The following KCNH7 variants were observed in gnomAD, a reference collection of about 807,000 sequenced individuals.
The protein encoded by KCNH7 is potassium voltage-gated channel subfamily H member 7, also known as voltage-gated inwardly rectifying potassium channel KCNH7.
A neutral mutation model predicts 120.8 loss-of-function variants in KCNH7; 49 were observed. The ratio of observed to expected loss-of-function variants is 0.41; its 90% CI spans 0.32 to 0.51. The LOEUF is 0.51. Among genes scored for constraint, KCNH7 ranks in the 20% least tolerant of loss-of-function variants. The probability of loss-of-function intolerance (pLI) is 0.38; values close to 1 mark genes in which losing one functional copy is unlikely to be tolerated. For missense variants in KCNH7, 1,097 were observed against 1,446.6 expected (o/e 0.76, Z 3.92); for synonymous variants, 547 against 516.1 (o/e 1.06, Z -0.81).
chr2:162,512,065 T>C (rs1691098070), intron 5 of KCNH7, among the ~76,000 whole-genome samples: 2 of 151,760 alleles, frequency 1.3e-5, no homozygotes, highest in Non-Finnish European at 2.9e-5. Context: ...TATAACCCTA[T>C]GGTAGTTGTA....
intron 6 of KCNH7, among the ~76,000 whole-genome samples, chr2:162,481,242 C>A (rs1405805925): frequency 3.3e-5 from 5 of 152,142 alleles, no homozygotes; most frequent in African/African-American, 1.2e-4. Flanking sequence ...TCAGATTAGG[C>A]ATTCCATATA....
chr2:162,582,233 T>A lies in KCNH7; in HGVS notation c.308-45153A>T, dbSNP rs16846959. On this transcript the variant is annotated intron_variant, in intron 2 of 15. Coordinates refer to ENST00000332142, the MANE Select transcript of KCNH7 (RefSeq NM_033272.4). The stretch of plus-strand genomic sequence containing the variant: ...GTTTTGGGTGATGTTAAGCTGAGAT[T>A]TGCTGCCCAAAAACATTAATCACAA... Among the ~76,000 whole-genome samples, 787 of 152,204 alleles carry A rather than the reference T, an allele frequency of 5.2e-3. 10 individuals are homozygous for A. Among genetic ancestry groups the A allele is most frequent in the African/African-American group, 0.018 (749 of 41,544 alleles).
chr2:162,518,810 G>GT (rs781395597), intron 3 of KCNH7, among the ~76,000 whole-genome samples: 12,542 of 119,236 alleles, frequency 0.11, 569 homozygotes, highest in East Asian at 0.16. Flanking sequence ...CCTGTTTTCT[G>GT]TTTTTTTTTT....
intron 2 of KCNH7, among the ~76,000 whole-genome samples, chr2:162,714,185 C>A (rs1351677672): frequency 6.6e-6 from 1 of 152,194 alleles, no homozygotes; most frequent in Non-Finnish European, 1.5e-5. Flanking sequence ...AGCCAATAGA[C>A]TCCAGCCTGG....
chr2:162,811,645 G>T (rs1684736544), intron 2 of KCNH7, among the ~76,000 whole-genome samples: 1 of 152,124 alleles, frequency 6.6e-6, no homozygotes, highest in Non-Finnish European at 1.5e-5. Context: ...TTATAAACTA[G>T]ATAGAAAAGA....
At chr2:162,633,493 G>A (rs1243058045) in intron 2 of KCNH7, among the ~76,000 whole-genome samples, 1 of 150,180 alleles carries the variant, frequency 6.7e-6, no homozygotes, top group Non-Finnish European at 1.5e-5. Context: ...ACTGTTAGTT[G>A]TTATCTATGT....
intron 2 of KCNH7, among the ~76,000 whole-genome samples, chr2:162,794,136 G>T (rs1684052575): frequency 6.6e-6 from 1 of 151,422 alleles, no homozygotes; most frequent in South Asian, 2.1e-4. Context: ...AAATTTGCAA[G>T]AATATTTTCA....
At chr2:162,491,827 C>T (rs957486471) in intron 6 of KCNH7, among the ~76,000 whole-genome samples, 2 of 152,172 alleles carry the variant, frequency 1.3e-5, no homozygotes, top group African/African-American at 2.4e-5. Context: ...AGCCATTCAT[C>T]TTCAGTCTGT....
intron 2 of KCNH7, among the ~76,000 whole-genome samples, chr2:162,585,085 G>A (rs1208789837): frequency 6.6e-6 from 1 of 151,878 alleles, no homozygotes; most frequent in Non-Finnish European, 1.5e-5. Context: ...TCCTGCAGCC[G>A]GCCTGGGTTC....
chr2:162,749,704 G>C (rs1220787063), intron 2 of KCNH7, among the ~76,000 whole-genome samples: 1 of 152,104 alleles, frequency 6.6e-6, no homozygotes, highest in Non-Finnish European at 1.5e-5. Flanking sequence ...TTGAATTATA[G>C]TTGGGCAGGA....
At chr2:162,749,053 AAG>A (rs930877597) in intron 2 of KCNH7, among the ~76,000 whole-genome samples, 3 of 146,040 alleles carry the variant, frequency 2.1e-5, no homozygotes, top group Non-Finnish European at 4.5e-5. Context: ...AATTTTTCTG[AAG>A]AGTTTTCAGA....
At chr2:162,812,806 A>T (rs929299603) in intron 2 of KCNH7, among the ~76,000 whole-genome samples, 1 of 152,112 alleles carries the variant, frequency 6.6e-6, no homozygotes, top group East Asian at 1.9e-4. Context: ...CAATGGAGAA[A>T]AAAGACATTG....
chr2:162,447,315 A>G (rs1688613688), intron 6 of KCNH7, among the ~76,000 whole-genome samples: 1 of 152,160 alleles, frequency 6.6e-6, no homozygotes, highest in South Asian at 2.1e-4. Context: ...ACCAAGTAGA[A>G]AAGTCCATGA....
intron 2 of KCNH7, among the ~76,000 whole-genome samples, chr2:162,778,114 T>C (rs1175680779): frequency 1.3e-5 from 2 of 152,198 alleles, no homozygotes; most frequent in East Asian, 3.9e-4. Context: ...TGAGGCTTTG[T>C]AGAAAAAATT....
At chr2:162,689,673 TAATC>T (rs981214078) in intron 2 of KCNH7, among the ~76,000 whole-genome samples, 3 of 152,180 alleles carry the variant, frequency 2.0e-5, no homozygotes, top group African/African-American at 7.2e-5. Flanking sequence ...TTTAATAAAA[TAATC>T]AAATTAAACA....
intron 6 of KCNH7, among the ~76,000 whole-genome samples, chr2:162,488,876 C>T (rs953989545): frequency 1.3e-5 from 2 of 152,154 alleles, no homozygotes; most frequent in Admixed American, 6.5e-5. Flanking sequence ...CCAACAGGTG[C>T]TTTTTAACAG....
intron 2 of KCNH7, among the ~76,000 whole-genome samples, chr2:162,572,370 T>C (rs1461668598): frequency 1.9e-4 from 24 of 123,188 alleles, no homozygotes; most frequent in Non-Finnish European, 3.5e-4. Flanking sequence ...CCATTTAGAA[T>C]GGCGATCATT....
At chr2:162,392,916 T>A (rs1467511566) in intron 12 of KCNH7, among the ~76,000 whole-genome samples, 1 of 151,140 alleles carries the variant, frequency 6.6e-6, no homozygotes, top group Non-Finnish European at 1.5e-5. Context: ...AGAAGTCCAG[T>A]GTGGAATAGA....
chr2:162,629,670 G>A (rs780188400), intron 2 of KCNH7, among the ~76,000 whole-genome samples: 9 of 152,084 alleles, frequency 5.9e-5, no homozygotes, highest in Non-Finnish European at 1.0e-4. Flanking sequence ...AGCCAATAGT[G>A]CAGAGTTTTT....
Sources: gnomAD v4.1 joint callset for allele counts (sites outside exome capture counted in the v4.1 genomes callset) on GRCh38, gnomAD v4.1.1 for gene constraint, MANE v1.5 for transcripts, NCBI Gene and HGNC (gene_info 2026-07-23, HGNC 2026-07-21) for gene names.